The following FASTKD5 variants were observed in gnomAD, a reference collection of about 807,000 sequenced individuals.
The protein encoded by FASTKD5 is FAST kinase domains 5, also known as non-canonical pre-mRNAs endonuclease FASTKD5, mitochondrial.
In FASTKD5, 30 loss-of-function variants were observed where a neutral mutation model predicts 44.0. The observed-to-expected ratio is 0.68, with a 90% CI of 0.51 to 0.93. FASTKD5 has a LOEUF of 0.93. Among genes scored for constraint, FASTKD5 ranks in the 40% least tolerant of loss-of-function variants. FASTKD5 has a pLI of 0.00. For synonymous variants in FASTKD5, 335 were observed against 342.2 expected (o/e 0.98, Z 0.23); for missense variants, 868 against 908.2 (o/e 0.96, Z 0.57).
Position 3,148,304 on chromosome 20 carries a change from C to T in FASTKD5, c.767G>A (p.Arg256His), listed in dbSNP as rs774251244. 1.7e-5 allele frequency: 27 copies of T among 1,612,828 alleles called. No individual in the cohort carries two copies. The highest frequency in any genetic ancestry group is 1.6e-4 in the Middle Eastern group (1 of 6,062). Residue 256 changes from arginine (R) to histidine (H), a missense_variant, in exon 2 of 2, where the codon CGC becomes CAC. Arg to His is a conservative substitution (Grantham distance 29, BLOSUM62 0). Transcript: ENST00000380266. ...LVADLWRYLGRKVPRFLNIFS... is the reference protein window; with the variant it reads ...LVADLWRYLGHKVPRFLNIFS... ...AATGTTTAAAAACCTAGGTACTTTG[C>T]GGCCTAAGTACCTCCAGAGATCAGC... is the stretch of plus-strand genomic sequence containing the variant.
Position 3,147,520 on chromosome 20 carries a change from G to C in FASTKD5, c.1551C>G (p.Leu517=), listed in dbSNP as rs372260638. 4 of 1,614,136 alleles carry C rather than the reference G, an allele frequency of 2.5e-6. No individual in the cohort carries two copies. The highest frequency in any genetic ancestry group is 1.6e-4 in the Middle Eastern group (1 of 6,062). The change falls in exon 2 of 2, where the codon CTC becomes CTG. Residue 517 remains leucine (L), a synonymous_variant. Coordinates refer to ENST00000380266, the MANE Select transcript of FASTKD5 (RefSeq NM_021826.5). ...GACACTCAATGCCAACTGTACCATC[G>C]AGGGTATATAGTTCCTTAAGGAGGT... The part of the protein sequence containing the change: ...KFDLLKELYT[L]DGTVGIECPD...
intron 1 of FASTKD5, among the ~76,000 whole-genome samples, chr20:3,152,553 C>T (rs1482373426): frequency 6.6e-6 from 1 of 151,862 alleles, no homozygotes; most frequent in African/African-American, 2.4e-5. Context: ...TAATTTAATC[C>T]ACCACAATGT....
chr20:3,148,999 T>A lies in FASTKD5; in HGVS notation c.72A>T (p.Ala24=). ...RAFCSPSAFG[A]VRSVSYWNVS... is the part of the protein sequence containing the mutation. ...CATTCCAGTATGACACACTTCGGAC[T>A]GCACCAAAGGCAGAAGGACTGCAAA... The change falls in exon 2 of 2, where the codon GCA becomes GCT. Residue 24 remains alanine (A), a synonymous_variant. Transcript: ENST00000380266. 6.2e-7 allele frequency: 1 copy of A among 1,614,196 alleles called. No homozygotes were observed. Among genetic ancestry groups the A allele is most frequent in the South Asian group, 1.1e-5 (1 of 91,072 alleles).
intron 1 of FASTKD5, among the ~76,000 whole-genome samples, chr20:3,153,310 G>T (rs764255384): frequency 5.9e-5 from 9 of 152,348 alleles, no homozygotes; most frequent in Non-Finnish European, 1.3e-4. Context: ...CACAGGCTAA[G>T]ATCCAAGATG....
At chr20:3,154,574 T>G (rs1224361867) in intron 1 of FASTKD5, among the ~76,000 whole-genome samples, 1 of 152,008 alleles carries the variant, frequency 6.6e-6, no homozygotes, top group Non-Finnish European at 1.5e-5. Context: ...TCCTAGCTAC[T>G]CAGGAGGTAG....
intron 1 of FASTKD5, among the ~76,000 whole-genome samples, chr20:3,158,701 C>G (rs1368293911): frequency 1.3e-5 from 2 of 151,962 alleles, no homozygotes; most frequent in African/African-American, 2.4e-5. Context: ...GTCTCGATCT[C>G]CTGACCTCGT....
At chr20:3,156,681 T>C (rs2066689774) in intron 1 of FASTKD5, 2 of 152,254 alleles carry the variant, frequency 1.3e-5, no homozygotes, top group South Asian at 4.1e-4. Context: ...TGAAGAATCT[T>C]ACCTTTCTCC....
At position 3,146,918 on chromosome 20, in the gene FASTKD5, T is replaced by C. The variant is rs1413818658; in HGVS notation, c.2153A>G (p.His718Arg). The C allele has an allele frequency of 6.2e-7, 1 of 1,614,096 alleles. No homozygotes were observed. Among genetic ancestry groups the C allele is most frequent in the Non-Finnish European group, 8.5e-7 (1 of 1,180,046 alleles). The change falls in exon 2 of 2, where the codon CAC (histidine) becomes CGC (arginine). Residue 718 changes from histidine (H) to arginine (R), a missense_variant. By Grantham distance (29) the His-to-Arg change is conservative. Transcript: ENST00000380266. Reference sequence around the variant, plus strand: ...AGCCAGCTGCCGCCTCTTCATATTGTGCAGTCCAAGGAGATCCCTGGAGCC... The same window carrying C: ...AGCCAGCTGCCGCCTCTTCATATTGCGCAGTCCAAGGAGATCCCTGGAGCC... ...CYGSRDLLGLHNMKRRQLARL... is the reference protein window; with the variant it reads ...CYGSRDLLGLRNMKRRQLARL...
chr20:3,152,210 G>C (rs1274607856), intron 1 of FASTKD5, among the ~76,000 whole-genome samples: 6 of 151,746 alleles, frequency 4.0e-5, no homozygotes, highest in African/African-American at 1.5e-4. Context: ...GCTGGGCACA[G>C]TGACTCATGT....
intron 1 of FASTKD5, among the ~76,000 whole-genome samples, chr20:3,157,543 G>C (rs2066698866): frequency 6.6e-6 from 1 of 152,212 alleles, no homozygotes; most frequent in African/African-American, 2.4e-5. Flanking sequence ...AAGGATGTGG[G>C]TAGATATAGT....
At chr20:3,152,641 C>T (rs1162112662) in intron 1 of FASTKD5, among the ~76,000 whole-genome samples, 1 of 152,194 alleles carries the variant, frequency 6.6e-6, no homozygotes, top group African/African-American at 2.4e-5. Context: ...GGCACAGTGG[C>T]TCACACCTAT....
Position 3,146,580 on chromosome 20 carries a change from T to C in FASTKD5, c.*196A>G, listed in dbSNP as rs1021791637. ...TTACTAAGAGTAACATGTATACATT[T>C]GCAGTAATTTGTACAATCCAACTAC... On this transcript the variant is annotated 3_prime_UTR_variant, in exon 2 of 2. Coordinates refer to ENST00000380266, the MANE Select transcript of FASTKD5 (RefSeq NM_021826.5). The C allele has an allele frequency of 1.5e-5, 9 of 592,506 alleles. No homozygotes were observed. The highest frequency in any genetic ancestry group is 1.5e-4 in the African/African-American group (8 of 53,868). 36.7% of individuals were successfully genotyped at this position (592,506 alleles called of 1,614,324 possible). A position where few individuals can be genotyped will look rare whatever the true frequency, so the allele number is the denominator to read the frequency against.
chr20:3,157,098 CAA>C (rs5839988), intron 1 of FASTKD5, among the ~76,000 whole-genome samples: 2 of 150,702 alleles, frequency 1.3e-5, no homozygotes, highest in African/African-American at 4.9e-5. Context: ...CTGTCTCTAC[CAA>C]AAAAAAAGGG....
intron 1 of FASTKD5, among the ~76,000 whole-genome samples, chr20:3,153,906 T>C (rs2066658129): frequency 6.6e-6 from 1 of 152,032 alleles, no homozygotes; most frequent in Non-Finnish European, 1.5e-5. Context: ...TTCCTTTGAG[T>C]ATCATGTTGG....
intron 1 of FASTKD5, among the ~76,000 whole-genome samples, chr20:3,159,128 G>T (rs561643989): frequency 6.6e-6 from 1 of 152,166 alleles, no homozygotes; most frequent in Non-Finnish European, 1.5e-5. Flanking sequence ...AAGAGAAAGA[G>T]CAACTATTCT....
Position 3,148,805 on chromosome 20 carries a change from C to T in FASTKD5, c.266G>A (p.Ser89Asn), listed in dbSNP as rs1294865942. ...CCTGGGTGAGCCCAGCTGCAATGTACTGGCCTTAGAGGAAGAAGTCTTGCT... is the reference window on the plus strand; with the variant it reads ...CCTGGGTGAGCCCAGCTGCAATGTATTGGCCTTAGAGGAAGAAGTCTTGCT... ...EFSKTSSSKA[S>N]TLQLGSPRAT... Residue 89 changes from serine to asparagine, a missense_variant, in exon 2 of 2, where the codon AGT becomes AAT. Transcript: ENST00000380266. The T allele has an allele frequency of 1.2e-6, 2 of 1,614,236 alleles. No individual in the cohort carries two copies. The highest frequency in any genetic ancestry group is 1.7e-6 in the Non-Finnish European group (2 of 1,180,042).
chr20:3,152,859 TCATA>T (rs2066645628), intron 1 of FASTKD5, among the ~76,000 whole-genome samples: 1 of 150,956 alleles, frequency 6.6e-6, no homozygotes, highest in African/African-American at 2.4e-5. Context: ...TGAGCTGAGA[TCATA>T]CTACTGCATT....
At chr20:3,152,872 T>C (rs1201018988) in intron 1 of FASTKD5, among the ~76,000 whole-genome samples, 3 of 151,648 alleles carry the variant, frequency 2.0e-5, no homozygotes, top group African/African-American at 4.8e-5. Flanking sequence ...TACTACTGCA[T>C]TGCAGCCTGG....
At chr20:3,156,947 G>A (rs908316448) in intron 1 of FASTKD5, among the ~76,000 whole-genome samples, 1 of 152,048 alleles carries the variant, frequency 6.6e-6, no homozygotes, top group East Asian at 1.9e-4. Context: ...ATAATTTGTT[G>A]AGCAACCTTA....
Sources: gnomAD v4.1 joint callset for allele counts (sites outside exome capture counted in the v4.1 genomes callset) on GRCh38, gnomAD v4.1.1 for gene constraint, MANE v1.5 for transcripts, NCBI Gene and HGNC (gene_info 2026-07-23, HGNC 2026-07-21) for gene names.